Variants in RPGR observed in about 807,000 individuals in gnomAD.
RPGR encodes retinitis pigmentosa GTPase regulator.
Under a neutral mutation model 56.3 loss-of-function variants are expected in RPGR, and 10 were observed. The ratio of observed to expected loss-of-function variants is 0.18; its 90% CI spans 0.11 to 0.30. RPGR has a LOEUF of 0.30. RPGR is among the 10% of genes least tolerant of loss of function. The probability of loss-of-function intolerance (pLI) is 1.00; values close to 1 mark genes in which losing one functional copy is unlikely to be tolerated. For synonymous variants in RPGR, 197 were observed against 212.9 expected (o/e 0.93, Z 0.65); for missense variants, 538 against 590.9 (o/e 0.91, Z 0.93).
chrX:38,323,913 G>A (rs2067995131), intron 1 of RPGR, among the ~76,000 whole-genome samples: 1 of 112,030 alleles, frequency 8.9e-6, no homozygotes, highest in African/African-American at 3.2e-5. Context: ...CTCTGACTGA[G>A]AGCTTTTCTC....
intron 3 of RPGR, among the ~76,000 whole-genome samples, chrX:38,321,336 A>C (rs2067936333): frequency 9.0e-6 from 1 of 111,398 alleles, no homozygotes; most frequent in African/African-American, 3.3e-5. Context: ...GTGGGTCTGA[A>C]GCAGCGGCTA....
rs768584692 is a variant in RPGR, at chrX:38,285,784, G to A, written c.1905+1310C>T. The A allele has an allele frequency of 4.2e-5, 51 of 1,209,869 alleles. No individual in the cohort carries two copies. The highest frequency in any genetic ancestry group is 5.7e-5 in the Non-Finnish European group (51 of 894,949). On this transcript the variant is annotated intron_variant, in intron 15 of 18. Transcript: ENST00000642395. Reference sequence around the variant, plus strand: ...CTGCCTTTCATTCTCTTCTTCGCCTGTCTCCTGATACTTCCCCTCTTCTTC... The same window carrying A: ...CTGCCTTTCATTCTCTTCTTCGCCTATCTCCTGATACTTCCCCTCTTCTTC...
chrX:38,304,890 G>A (rs916066917), intron 7 of RPGR, 100 bp from the exon 8 acceptor site: 6 of 736,520 alleles, frequency 8.1e-6, no homozygotes, highest in African/African-American at 6.4e-5. Context: ...TATAGTGAAG[G>A]TTAAGTGCCT....
At chrX:38,291,079 A>G in intron 12 of RPGR, 55 bp from the exon 13 acceptor site, 1 of 291,179 alleles carries the variant, frequency 3.4e-6, no homozygotes, top group Non-Finnish European at 5.5e-6. Flanking sequence ...TATACTATAT[A>G]TTTGTATATA....
Position 38,321,019 on chromosome X carries a change from C to G in RPGR, c.310+8G>C. 8.4e-7 allele frequency: 1 copy of G among 1,185,407 alleles called. No individual in the cohort carries two copies. The highest frequency in any genetic ancestry group is 1.1e-6 in the Non-Finnish European group (1 of 871,457). Reference sequence around the variant, plus strand: ...CAGGCAGGAAATCATACAGGTTGAGCACTATACCTGTTGACACCAGGGTGT... The same window carrying G: ...CAGGCAGGAAATCATACAGGTTGAGGACTATACCTGTTGACACCAGGGTGT... On this transcript the variant is annotated splice_region_variant and intron_variant, in intron 4 of 18. Coordinates refer to ENST00000642395, the MANE Select transcript of RPGR (RefSeq NM_000328.3).
Position 38,317,339 on chromosome X carries a change from T to G in RPGR, c.596A>C (p.Tyr199Ser), listed in dbSNP as rs1429703375. 1 of 1,208,633 alleles carries G rather than the reference T, an allele frequency of 8.3e-7. No individual in the cohort carries two copies. The highest frequency in any genetic ancestry group is 1.1e-6 in the Non-Finnish European group (1 of 894,191). Residue 199 changes from tyrosine to serine, a missense_variant, in exon 6 of 19, where the codon TAT (tyrosine) becomes TCT (serine). Physicochemically the swap from Tyr to Ser is moderately radical, Grantham distance 144. This residue lies in a region of RPGR where 181 missense variants were observed against 265.1 expected (regional missense o/e 0.68). Coordinates refer to ENST00000642395, the MANE Select transcript of RPGR (RefSeq NM_000328.3). The stretch of plus-strand genomic sequence containing the variant: ...ACTTGTTACAAAAGCTGAATGGTAA[T>G]ATCCACAAGAGATCCAGGAGACAGG...
At chrX:38,279,113 A>C in intron 15 of RPGR, 1 of 323,794 alleles carries the variant, frequency 3.1e-6, no homozygotes, top group Non-Finnish European at 6.0e-6. Context: ...AAGCACATTT[A>C]AAATTATTCT....
At chrX:38,295,351 T>C (rs1247377157) in intron 11 of RPGR, among the ~76,000 whole-genome samples, 2 of 112,460 alleles carry the variant, frequency 1.8e-5, no homozygotes, top group Admixed American at 1.9e-4. Context: ...CTGTGAATGA[T>C]TTAGAAAAAG....
In RPGR at chrX:38,322,938, A is replaced by T; in HGVS notation, c.162T>A (p.Asn54Lys). 8.4e-7 allele frequency: 1 copy of T among 1,197,011 alleles called. No individual in the cohort carries two copies. Among genetic ancestry groups the T allele is most frequent in the Non-Finnish European group, 1.1e-6 (1 of 881,980 alleles). The change falls in exon 3 of 19, where the codon AAT (asparagine) becomes AAA (lysine). Residue 54 changes from asparagine to lysine, a missense_variant. Around this residue, in one of 2 missense-constraint regions of RPGR, gnomAD observed 181 missense variants for 265.1 expected, o/e 0.68. Coordinates refer to ENST00000642395, the MANE Select transcript of RPGR (RefSeq NM_000328.3). Reference sequence around the variant, plus strand: ...TGTTACTGCCAAACATGTAAAGTTTATTATTTCCTGGTAGGAGGGAAAAAG... The same window carrying T: ...TGTTACTGCCAAACATGTAAAGTTTTTTATTTCCTGGTAGGAGGGAAAAAG...
chrX:38,292,755 A>C (rs1489684141), intron 11 of RPGR, among the ~76,000 whole-genome samples: 4 of 112,081 alleles, frequency 3.6e-5, no homozygotes, highest in Non-Finnish European at 5.6e-5. Flanking sequence ...TTTCTTAATG[A>C]AGTTATAGTC....
At chrX:38,285,100 G>A in intron 15 of RPGR, 2 of 747,035 alleles carry the variant, frequency 2.7e-6, no homozygotes, top group Non-Finnish European at 3.2e-6. Context: ...TAGGTAAACT[G>A]TAATCACTAA....
chrX:38,275,186 TG>T (rs1181313680), intron 16 of RPGR: 2 of 1,115,216 alleles, frequency 1.8e-6, no homozygotes, highest in Non-Finnish European at 2.5e-6. Flanking sequence ...AAAATATTTT[TG>T]TGCTGTTCTA....
At chrX:38,298,871 A>G in intron 10 of RPGR, 85 bp downstream of exon 10, 2 of 1,029,216 alleles carry the variant, frequency 1.9e-6, no homozygotes. Context: ...AGACCCTTTG[A>G]TTTAAAAAGA....
chrX:38,320,602 T>C (rs2067920310), intron 4 of RPGR, among the ~76,000 whole-genome samples: 1 of 110,701 alleles, frequency 9.0e-6, no homozygotes, highest in Non-Finnish European at 1.9e-5. Context: ...CATTTGCTTT[T>C]CCATATAAAT....
At chrX:38,310,906 T>C in intron 6 of RPGR, 133 bp from the exon 7 acceptor site, 1 of 522,232 alleles carries the variant, frequency 1.9e-6, no homozygotes, top group East Asian at 3.7e-5. Context: ...TACTGTATGA[T>C]AAAGAAATAA....
At chrX:38,303,068 A>G (rs1439059355) in intron 8 of RPGR, among the ~76,000 whole-genome samples, 1 of 111,501 alleles carries the variant, frequency 9.0e-6, no homozygotes, top group Non-Finnish European at 1.9e-5. Context: ...TCCTTCTTTT[A>G]TATCTGCTCC....
chrX:38,293,874 T>C (rs1250142389), intron 11 of RPGR, among the ~76,000 whole-genome samples: 6 of 111,569 alleles, frequency 5.4e-5, no homozygotes, highest in African/African-American at 2.0e-4. Flanking sequence ...TCTTCTGTGC[T>C]CTCTCTCCAG....
At chrX:38,278,373 T>C (rs1411219106) in intron 15 of RPGR, among the ~76,000 whole-genome samples, 1 of 111,926 alleles carries the variant, frequency 8.9e-6, no homozygotes, top group Non-Finnish European at 1.9e-5. Context: ...CCCGAGTAGC[T>C]GGGATTACAG....
intron 12 of RPGR, 126 bp from the exon 13 acceptor site, chrX:38,291,150 A>G: frequency 5.1e-6 from 1 of 195,101 alleles, no homozygotes; most frequent in Admixed American, 7.7e-5. Flanking sequence ...TATATATAAA[A>G]TGAAGGGAAA....
Sources: gnomAD v4.1 joint callset for allele counts (sites outside exome capture counted in the v4.1 genomes callset) on GRCh38, gnomAD v4.1.1 for gene constraint, gnomAD v4.1.1 regional missense constraint, MANE v1.5 for transcripts, NCBI Gene and HGNC (gene_info 2026-07-23, HGNC 2026-07-21) for gene names.